MRPL15: variants seen among roughly 807,000 people sequenced by gnomAD.
MRPL15 encodes the protein large ribosomal subunit protein uL15m.
Under a neutral mutation model 28.0 loss-of-function variants are expected in MRPL15, and 24 were observed. The ratio of observed to expected loss-of-function variants is 0.86; its 90% CI spans 0.62 to 1.21. The LOEUF (loss-of-function observed/expected upper bound fraction) is 1.21, where lower values mean the gene tolerates loss of function less well. MRPL15 is among the 50% of genes most tolerant of loss of function. MRPL15 has a pLI of 0.00. For missense variants in MRPL15, 343 were observed against 372.4 expected, an observed-to-expected ratio of 0.92 and a Z score of 0.65; for synonymous variants, 124 against 137.0, an observed-to-expected ratio of 0.90 and a Z score of 0.66.
intron 3 of MRPL15, among the ~76,000 whole-genome samples, chr8:54,140,708 G>A (rs1431168918): frequency 5.9e-5 from 9 of 151,402 alleles, no homozygotes; most frequent in African/African-American, 1.7e-4. Context: ...TGAGTAGCTG[G>A]GACTACAGGC....
intron 3 of MRPL15, among the ~76,000 whole-genome samples, chr8:54,140,326 C>G (rs572452471): frequency 2.0e-5 from 3 of 151,854 alleles, no homozygotes; most frequent in Admixed American, 6.6e-5. Context: ...GGCACAATCT[C>G]GACTCACTGC....
intron 1 of MRPL15, among the ~76,000 whole-genome samples, chr8:54,135,996 C>A (rs1369416352): frequency 6.6e-6 from 1 of 152,170 alleles, no homozygotes; most frequent in African/African-American, 2.4e-5. Flanking sequence ...GTCCCTTCTG[C>A]AGTTGACTAA....
chr8:54,135,473 C>G (rs1291012392), intron 1 of MRPL15, 82 bp downstream of exon 1: 3 of 1,174,014 alleles, frequency 2.6e-6, no homozygotes, highest in African/African-American at 3.2e-5. Flanking sequence ...ATTAGGAGAA[C>G]TGCCCTTTCT....
intron 3 of MRPL15, among the ~76,000 whole-genome samples, chr8:54,140,446 A>G (rs1264296861): frequency 1.3e-5 from 2 of 151,296 alleles, no homozygotes; most frequent in Non-Finnish European, 2.9e-5. Context: ...ATTTTTTAGT[A>G]GAGATGGGGT....
intron 4 of MRPL15, among the ~76,000 whole-genome samples, chr8:54,143,183 C>T (rs571428507): frequency 3.3e-5 from 5 of 152,132 alleles, no homozygotes; most frequent in South Asian, 2.1e-4. Context: ...CAGGTTCAAG[C>T]GATTCTCCTG....
rs939710367 is a variant in MRPL15, at chr8:54,148,352, C to T, written c.*633C>T. ...AGGCAGGCCTTTGTTCTTAGAGCTCCCAAGATGGTGGTGGCCACTCCCAAG... is the reference window on the plus strand; with the variant it reads ...AGGCAGGCCTTTGTTCTTAGAGCTCTCAAGATGGTGGTGGCCACTCCCAAG... On this transcript the variant is annotated 3_prime_UTR_variant, in exon 5 of 5. Transcript: ENST00000260102. 6.6e-6 allele frequency among the ~76,000 whole-genome samples: 1 copy of T among 152,138 alleles called. No individual in the cohort carries two copies. The highest frequency in any genetic ancestry group is 2.4e-5 in the African/African-American group (1 of 41,428).
chr8:54,140,628 C>T (rs1214939334), intron 3 of MRPL15, among the ~76,000 whole-genome samples: 102 of 139,536 alleles, frequency 7.3e-4, no homozygotes, highest in Non-Finnish European at 1.1e-3. Context: ...GGCTGGAGTG[C>T]AGTGGCGCGA....
At chr8:54,141,259 ATCTATGAAGTCGGTATTTCCG>A (rs1563718172) in intron 3 of MRPL15, among the ~76,000 whole-genome samples, 1 of 152,204 alleles carries the variant, frequency 6.6e-6, no homozygotes, top group Non-Finnish European at 1.5e-5. Flanking sequence ...TGGTATTTCC[ATCTATGAAGTCGGTATTTCCG>A]TCTATGAAAG....
intron 4 of MRPL15, among the ~76,000 whole-genome samples, chr8:54,146,668 A>G (rs751922137): frequency 6.6e-6 from 1 of 152,186 alleles, no homozygotes; most frequent in Non-Finnish European, 1.5e-5. Flanking sequence ...AGCTTTGGTT[A>G]AGGTTGCATT....
chr8:54,148,248 T>C lies in MRPL15; in HGVS notation c.*529T>C, dbSNP rs1220706795. On this transcript the variant is annotated 3_prime_UTR_variant, in exon 5 of 5. Coordinates refer to ENST00000260102, the MANE Select transcript of MRPL15 (RefSeq NM_014175.4). ...TGAGGAGTAGCTGGTAGGCAGTATG[T>C]TTGCCAGTGACATTGAAGGTGAGAG... Among the ~76,000 whole-genome samples the C allele has an allele frequency of 6.6e-6, 1 of 152,214 alleles. No homozygotes were observed. Among genetic ancestry groups the C allele is most frequent in the African/African-American group, 2.4e-5 (1 of 41,462 alleles).
rs1810806798 is a variant in MRPL15 at position 54,135,263 on chromosome 8, A to C, written c.-21A>C. 3.1e-6 allele frequency: 4 copies of C among 1,308,576 alleles called. No individual in the cohort carries two copies. The highest frequency in any genetic ancestry group is 4.5e-5 in the South Asian group (2 of 44,580). 81.1% of individuals were successfully genotyped at this position (1,308,576 alleles called of 1,614,324 possible). On this transcript the variant is annotated 5_prime_UTR_variant, in exon 1 of 5. Coordinates refer to ENST00000260102, the MANE Select transcript of MRPL15 (RefSeq NM_014175.4). ...TCCGAGCAGCTCAGGGCGCCCTTGA[A>C]AGTTCTTGGATCTGCGGGTTATGGC... is the stretch of plus-strand genomic sequence containing the variant.
chr8:54,138,436 G>C (rs1433255855), intron 3 of MRPL15, among the ~76,000 whole-genome samples: 1 of 147,870 alleles, frequency 6.8e-6, no homozygotes, highest in Non-Finnish European at 1.5e-5. Flanking sequence ...TCGTGCCTCA[G>C]CCTCCTGAGT....
intron 3 of MRPL15, among the ~76,000 whole-genome samples, chr8:54,141,336 C>T (rs443204): frequency 6.6e-6 from 1 of 151,748 alleles, no homozygotes; most frequent in South Asian, 2.1e-4. Context: ...TTTATGAAGT[C>T]GGTATTTCCA....
At chr8:54,142,399 A>G (rs1363873384) in intron 3 of MRPL15, among the ~76,000 whole-genome samples, 4 of 149,174 alleles carry the variant, frequency 2.7e-5, no homozygotes, top group African/African-American at 9.9e-5. Context: ...CAGGTGATCC[A>G]CCTACCTTGG....
Position 54,142,945 on chromosome 8 carries a change from G to C in MRPL15, c.553+159G>C. On this transcript the variant is annotated intron_variant, in intron 4 of 4. Transcript: ENST00000260102. ...TATTATGATTTAAAGAATACAGCCT[G>C]TTGCTGACACATACACCAAGGGCAA... is the stretch of plus-strand genomic sequence containing the variant. 3 of 1,087,984 alleles carry C rather than the reference G, an allele frequency of 2.8e-6. No homozygotes were observed. The South Asian group carries it at 4.9e-5, about 18-fold the overall frequency. 67.4% of individuals were successfully genotyped at this position (1,087,984 alleles called of 1,614,324 possible).
chr8:54,140,192 C>T (rs1810894633), intron 3 of MRPL15, among the ~76,000 whole-genome samples: 1 of 152,168 alleles, frequency 6.6e-6, no homozygotes, highest in Non-Finnish European at 1.5e-5. Context: ...AAAAATATAG[C>T]ACATCCTGAC....
intron 3 of MRPL15, among the ~76,000 whole-genome samples, chr8:54,142,337 G>T (rs2129240002): frequency 6.8e-6 from 1 of 147,644 alleles, no homozygotes; most frequent in East Asian, 2.1e-4. Flanking sequence ...TGTATTTTTA[G>T]TAGAGATGGG....
At chr8:54,144,036 C>T (rs367924498) in intron 4 of MRPL15, among the ~76,000 whole-genome samples, 10 of 152,366 alleles carry the variant, frequency 6.6e-5, no homozygotes, top group African/African-American at 2.2e-4. Context: ...TCCCCTTGCC[C>T]TGCATTGTGT....
Position 54,147,746 on chromosome 8 carries a change from TAA to T in MRPL15, c.*29_*30del, listed in dbSNP as rs1469901057. The T allele has an allele frequency of 3.2e-6, 5 of 1,567,624 alleles. No homozygotes were observed. In the East Asian group the frequency reaches 6.7e-5, roughly 21 times the overall value. ...TTCCCGTCCAAGGAAGCAGAGTTGT[TAA>T]AGAGTACTGGAATAGGGGCTGAAGG... On this transcript the variant is annotated 3_prime_UTR_variant, in exon 5 of 5. Transcript: ENST00000260102.
Sources: allele counts gnomAD v4.1 joint callset (sites outside exome capture counted in the v4.1 genomes callset), GRCh38; gene constraint gnomAD v4.1.1; transcripts MANE v1.5; gene names NCBI Gene and HGNC (gene_info 2026-07-23, HGNC 2026-07-21).